ATP6V1G1: variants seen among roughly 807,000 people sequenced by gnomAD.
The protein encoded by ATP6V1G1 is V-type proton ATPase subunit G 1.
In ATP6V1G1, 14 loss-of-function variants were observed where a neutral mutation model predicts 14.2. The observed-to-expected ratio is 0.99, with a 90% CI of 0.65 to 1.55. The LOEUF (loss-of-function observed/expected upper bound fraction) is 1.55. Ranked by LOEUF, ATP6V1G1 falls within the 40% of genes most tolerant of loss-of-function variation. The probability of loss-of-function intolerance (pLI) is 0.00; values close to 1 mark genes in which losing one functional copy is unlikely to be tolerated. For synonymous variants in ATP6V1G1, 65 were observed against 53.3 expected (o/e 1.22, Z -0.96); for missense variants, 137 against 146.4 (o/e 0.94, Z 0.33).
intron 1 of ATP6V1G1, among the ~76,000 whole-genome samples, chr9:114,591,706 G>A (rs1845183616): frequency 6.6e-6 from 1 of 152,126 alleles, no homozygotes; most frequent in Non-Finnish European, 1.5e-5. Context: ...ACTCTAGACA[G>A]TTGGTATACA....
At chr9:114,589,820 G>T (rs1845165324) in intron 1 of ATP6V1G1, among the ~76,000 whole-genome samples, 1 of 152,164 alleles carries the variant, frequency 6.6e-6, no homozygotes, top group African/African-American at 2.4e-5. Context: ...CCCTAGCCAG[G>T]TAGGATTTAT....
rs750145598 is a variant in ATP6V1G1 at position 114,590,026 on chromosome 9, C to T, written c.82+2106C>T. ...CAGCCTGGGCAATATGGAGAAACTC[C>T]GTGTCTACTAAAAATACAAAAGTTA... On this transcript the variant is annotated intron_variant, in intron 1 of 2. Coordinates refer to ENST00000374050, the MANE Select transcript of ATP6V1G1 (RefSeq NM_004888.4). Among the ~76,000 whole-genome samples, 9 of 151,160 alleles carry T rather than the reference C, an allele frequency of 6.0e-5. No individual in the cohort carries two copies. The East Asian group carries it at 9.8e-4, about 17-fold the overall frequency.
At chr9:114,588,511 GTGT>G (rs1845151578) in intron 1 of ATP6V1G1, among the ~76,000 whole-genome samples, 2 of 9,496 alleles carry the variant, frequency 2.1e-4, no homozygotes, top group Non-Finnish European at 3.4e-4. Context: ...GGCAAGCGCA[GTGT>G]GTGTGTGTGT....
At chr9:114,594,942 C>T (rs1346619557) in intron 2 of ATP6V1G1, among the ~76,000 whole-genome samples, 5 of 150,592 alleles carry the variant, frequency 3.3e-5, no homozygotes, top group Admixed American at 6.6e-5. Context: ...TCACTGCATC[C>T]CCCACCTCCC....
At chr9:114,596,751 G>T (rs568130379) in intron 2 of ATP6V1G1, among the ~76,000 whole-genome samples, 1 of 152,108 alleles carries the variant, frequency 6.6e-6, no homozygotes, top group Admixed American at 6.5e-5. Flanking sequence ...GCACCACCAC[G>T]ACTGGCTTGT....
At chr9:114,592,488 C>T (rs1845192465) in intron 1 of ATP6V1G1, 64 bp from the exon 2 acceptor site, 17 of 1,433,846 alleles carry the variant, frequency 1.2e-5, no homozygotes, top group Non-Finnish European at 1.5e-5. Flanking sequence ...AATATACCAT[C>T]TTGTCTCTGC....
At chr9:114,595,627 C>T (rs1230625691) in intron 2 of ATP6V1G1, among the ~76,000 whole-genome samples, 1 of 152,144 alleles carries the variant, frequency 6.6e-6, no homozygotes, top group Admixed American at 6.5e-5. Flanking sequence ...GCACTCCAGC[C>T]TAGGCAACAG....
chr9:114,591,082 G>C (rs531922455), intron 1 of ATP6V1G1, among the ~76,000 whole-genome samples: 18 of 152,308 alleles, frequency 1.2e-4, no homozygotes, highest in African/African-American at 4.3e-4. Context: ...GCGTGAGCCA[G>C]CGCGCCCGGC....
At chr9:114,590,470 A>C (rs1407920102) in intron 1 of ATP6V1G1, among the ~76,000 whole-genome samples, 1 of 151,822 alleles carries the variant, frequency 6.6e-6, no homozygotes. Flanking sequence ...TAAAAAAATA[A>C]ATTTTTGTAT....
chr9:114,596,236 A>C (rs975934746), intron 2 of ATP6V1G1, among the ~76,000 whole-genome samples: 1 of 152,090 alleles, frequency 6.6e-6, no homozygotes, highest in African/African-American at 2.4e-5. Flanking sequence ...ACAGAAAAAA[A>C]AATTAGCCGG....
intron 1 of ATP6V1G1, among the ~76,000 whole-genome samples, chr9:114,592,266 G>A (rs1241287963): frequency 6.6e-6 from 1 of 152,160 alleles, no homozygotes; most frequent in Non-Finnish European, 1.5e-5. Context: ...TAATAGTTGA[G>A]ATTGAGAGAA....
intron 1 of ATP6V1G1, among the ~76,000 whole-genome samples, chr9:114,591,930 A>G (rs916902456): frequency 2.6e-5 from 4 of 151,858 alleles, no homozygotes; most frequent in African/African-American, 9.7e-5. Flanking sequence ...ATGTTAAGCC[A>G]CTCACTTCTA....
rs376251243 is a variant in ATP6V1G1, at chr9:114,590,543, A to G, written c.83-2009A>G. Among the ~76,000 whole-genome samples, 7 of 152,166 alleles carry G rather than the reference A, an allele frequency of 4.6e-5. No homozygotes were observed. In the East Asian group the frequency reaches 1.4e-3, roughly 29 times the overall value. Reference sequence around the variant, plus strand: ...TCTTCTCAAACTCTCGGCCTCCCAAAGTGCTGGGATTACAGATATGAGCGA... The same window carrying G: ...TCTTCTCAAACTCTCGGCCTCCCAAGGTGCTGGGATTACAGATATGAGCGA... On this transcript the variant is annotated intron_variant, in intron 1 of 2. Coordinates refer to ENST00000374050, the MANE Select transcript of ATP6V1G1 (RefSeq NM_004888.4).
In ATP6V1G1 at chr9:114,597,869, C is replaced by A. The variant is rs1845256788; in HGVS notation, c.*126C>A. On this transcript the variant is annotated 3_prime_UTR_variant, in exon 3 of 3. Transcript: ENST00000374050. The stretch of plus-strand genomic sequence containing the variant: ...TATTTCCATATATTATATAATAGGT[C>A]CTTCCACTTTTTGGAGAGTAGCAAA... The A allele has an allele frequency of 1.1e-6, 1 of 899,274 alleles. No homozygotes were observed. The highest frequency in any genetic ancestry group is 1.5e-6 in the Non-Finnish European group (1 of 680,210). The allele number at this position is 899,274 out of a possible 1,614,324, so 55.7% of individuals were successfully genotyped here. A position where few individuals can be genotyped will look rare whatever the true frequency, so the allele number is the denominator to read the frequency against.
rs1170771810 is a variant in ATP6V1G1, at chr9:114,597,791, G to A, written c.*48G>A. 6 of 1,461,316 alleles carry A rather than the reference G, an allele frequency of 4.1e-6. No homozygotes were observed. Among genetic ancestry groups the A allele is most frequent in the East Asian group, 5.2e-5 (2 of 38,684 alleles). The allele number at this position is 1,461,316 out of a possible 1,614,324, so 90.5% of individuals were successfully genotyped here. On this transcript the variant is annotated 3_prime_UTR_variant, in exon 3 of 3. Transcript: ENST00000374050. ...GGAGTGGCATTTTAGATGCCCTCACGAATATGAAGCTTAGCACAGCTCTAG... is the reference window on the plus strand; with the variant it reads ...GGAGTGGCATTTTAGATGCCCTCACAAATATGAAGCTTAGCACAGCTCTAG...
In ATP6V1G1 at chr9:114,592,659, CA is replaced by C. The variant is rs745966925; in HGVS notation, c.183+8del. On this transcript the variant is annotated splice_region_variant and intron_variant, in intron 2 of 2. Coordinates refer to ENST00000374050, the MANE Select transcript of ATP6V1G1 (RefSeq NM_004888.4). ...CAAGGCCAAGGAAGCTGCGGTGGGG[CA>C]CCATTTGTTTTTGTTACTGCTTTAG... The C allele has an allele frequency of 1.3e-6, 2 of 1,566,414 alleles. No homozygotes were observed. The highest frequency in any genetic ancestry group is 4.7e-5 in the East Asian group (2 of 42,560).
rs537657900 is a variant in ATP6V1G1 at position 114,587,808 on chromosome 9, C to A, written c.-31C>A. 15 of 1,564,816 alleles carry A rather than the reference C, an allele frequency of 9.6e-6. No individual in the cohort carries two copies. In the East Asian group the frequency reaches 1.7e-4, roughly 17 times the overall value. ...AAGGGGCCTTCGAGGTGCCTTAGGC[C>A]GCTTGCCTTGCTCTCAGAATCGCTG... is the stretch of plus-strand genomic sequence containing the variant. On this transcript the variant is annotated 5_prime_UTR_variant, in exon 1 of 3. Coordinates refer to ENST00000374050, the MANE Select transcript of ATP6V1G1 (RefSeq NM_004888.4).
chr9:114,594,861 CTTTTTTTTTTTTT>C (rs71997716), intron 2 of ATP6V1G1, among the ~76,000 whole-genome samples: 1 of 110,580 alleles, frequency 9.0e-6, no homozygotes, highest in African/African-American at 3.7e-5. Flanking sequence ...TTCTTTTTTT[CTTTTTTTTTTTTT>C]TTTTGAGACA....
In ATP6V1G1 at chr9:114,592,535, C is replaced by T; in HGVS notation, c.83-17C>T. 1 of 1,553,576 alleles carries T rather than the reference C, an allele frequency of 6.4e-7. No homozygotes were observed. The highest frequency in any genetic ancestry group is 2.2e-4 in the Middle Eastern group (1 of 4,458). On this transcript the variant is annotated splice_polypyrimidine_tract_variant and intron_variant, in intron 1 of 2. Coordinates refer to ENST00000374050, the MANE Select transcript of ATP6V1G1 (RefSeq NM_004888.4). The stretch of plus-strand genomic sequence containing the variant: ...CTTTTAACCACTTCCTGATATAGCT[C>T]TCTCCTTTGAAAACAGGAAAGAACC...
Sources: gnomAD v4.1 joint callset for allele counts (sites outside exome capture counted in the v4.1 genomes callset) on GRCh38, gnomAD v4.1.1 for gene constraint, MANE v1.5 for transcripts, NCBI Gene and HGNC (gene_info 2026-07-23, HGNC 2026-07-21) for gene names.